Variants in UBIAD1 observed in about 807,000 individuals in gnomAD.
UBIAD1 encodes ubiA prenyltransferase domain-containing protein 1.
UBIAD1 carries 12 observed loss-of-function variants against 20.1 expected under a neutral mutation model. The ratio of observed to expected loss-of-function variants is 0.60; its 90% CI spans 0.38 to 0.97. The LOEUF is 0.97. Among genes scored for constraint, UBIAD1 ranks in the 50% least tolerant of loss-of-function variants. The pLI, the probability that UBIAD1 is intolerant of heterozygous loss-of-function variation, is 0.00. For synonymous variants in UBIAD1, 207 were observed against 189.2 expected, an observed-to-expected ratio of 1.09 and a Z score of -0.77; for missense variants, 333 against 419.5, an observed-to-expected ratio of 0.79 and a Z score of 1.80.
Position 11,285,111 on chromosome 1 carries a change from G to A in UBIAD1, c.530-533G>A, listed in dbSNP as rs1472468862. 2.0e-5 allele frequency among the ~76,000 whole-genome samples: 3 copies of A among 152,268 alleles called. No homozygotes were observed. Among genetic ancestry groups the A allele is most frequent in the African/African-American group, 7.2e-5 (3 of 41,544 alleles). On this transcript the variant is annotated intron_variant, in intron 1 of 1. Transcript: ENST00000376810. The surrounding 1 kb of genome is among the most constrained non-coding windows in gnomAD (Gnocchi z 4.4). ...TCCTCGCTGTTTTGCTTATCGCAGG[G>A]GTGCAGGTTTAAGGACCCCGAAATT...
At chr1:11,284,798 G>A (rs981154361) in intron 1 of UBIAD1, among the ~76,000 whole-genome samples, 1 of 152,026 alleles carries the variant, frequency 6.6e-6, no homozygotes, top group African/African-American at 2.4e-5. Flanking sequence ...TCACTCTAAC[G>A]CCTTTTTAGA....
intron 1 of UBIAD1, among the ~76,000 whole-genome samples, chr1:11,279,964 A>C (rs942008713): frequency 2.0e-5 from 3 of 152,182 alleles, no homozygotes; most frequent in Non-Finnish European, 2.9e-5. Flanking sequence ...GGATGTGAGC[A>C]AGCATCCAGA....
At chr1:11,277,818 A>G (rs1427686843) in intron 1 of UBIAD1, among the ~76,000 whole-genome samples, 4 of 151,724 alleles carry the variant, frequency 2.6e-5, no homozygotes, top group Admixed American at 2.6e-4. Context: ...CTAATTTTGT[A>G]TTTTTAGTAG....
At chr1:11,274,081 T>A in intron 1 of UBIAD1, 21 bp downstream of exon 1, 1 of 1,613,974 alleles carries the variant, frequency 6.2e-7, no homozygotes, top group Non-Finnish European at 8.5e-7. Context: ...GCCTGTCCTG[T>A]GTGCTGCAGG....
chr1:11,286,611 C>G lies in UBIAD1; in HGVS notation c.*480C>G, dbSNP rs1187620254. On this transcript the variant is annotated 3_prime_UTR_variant, in exon 2 of 2. Transcript: ENST00000376810. ...TCACTAACACAGGGGCTACCTGTCT[C>G]TTATTCTCAGCACCTGTGTCCTGAG... 2 of 212,604 alleles carry G rather than the reference C, an allele frequency of 9.4e-6. No individual in the cohort carries two copies. Among genetic ancestry groups the G allele is most frequent in the African/African-American group, 4.7e-5 (2 of 42,572 alleles). 13.2% of individuals were successfully genotyped at this position (212,604 alleles called of 1,614,324 possible).
At position 11,286,139 on chromosome 1, in the gene UBIAD1, A is replaced by G. The variant is rs1638258858; in HGVS notation, c.*8A>G. On this transcript the variant is annotated 3_prime_UTR_variant, in exon 2 of 2. Coordinates refer to ENST00000376810, the MANE Select transcript of UBIAD1 (RefSeq NM_013319.3). The stretch of plus-strand genomic sequence containing the variant: ...AGTCTGCCCAAAATTTAAGGGGACA[A>G]GTAGCTCCCCCCACGACATGTCTCC... 5.6e-6 allele frequency: 9 copies of G among 1,614,076 alleles called. No individual in the cohort carries two copies. Among genetic ancestry groups the G allele is most frequent in the Non-Finnish European group, 6.8e-6 (8 of 1,180,036 alleles).
intron 1 of UBIAD1, among the ~76,000 whole-genome samples, chr1:11,294,448 C>A (rs1440741566): frequency 6.6e-6 from 1 of 152,180 alleles, no homozygotes; most frequent in Non-Finnish European, 1.5e-5. Flanking sequence ...ACCCAGCCTT[C>A]ACTACAAACT....
intron 1 of UBIAD1, among the ~76,000 whole-genome samples, chr1:11,274,731 C>G (rs1400068057): frequency 6.6e-6 from 1 of 150,704 alleles, no homozygotes; most frequent in African/African-American, 2.4e-5. Flanking sequence ...TGCCTCAGCT[C>G]CCCGAGTAGC....
Position 11,288,070 on chromosome 1 carries a change from C to G in UBIAD1, c.*1939C>G, listed in dbSNP as rs1202728173. ...AAGAAAGATGACCTTCTCCCCAGTCCTTCCCAGCACCATTTTTGTTTCACA... is the reference window on the plus strand; with the variant it reads ...AAGAAAGATGACCTTCTCCCCAGTCGTTCCCAGCACCATTTTTGTTTCACA... On this transcript the variant is annotated 3_prime_UTR_variant, in exon 2 of 2. Transcript: ENST00000376810. 1 of 152,268 alleles carries G rather than the reference C, an allele frequency of 6.6e-6. No homozygotes were observed. Among genetic ancestry groups the G allele is most frequent in the Non-Finnish European group, 1.5e-5 (1 of 68,066 alleles). The allele number at this position is 152,268 out of a possible 1,614,324, so 9.4% of individuals were successfully genotyped here.
rs1557519995 is a variant in UBIAD1 at position 11,285,885 on chromosome 1, C to G, written c.771C>G (p.Ser257=). The G allele has an allele frequency of 6.2e-7, 1 of 1,614,178 alleles. No individual in the cohort carries two copies. The highest frequency in any genetic ancestry group is 1.3e-5 in the African/African-American group (1 of 75,046). The part of the protein sequence containing the change: ...TLAILIGPTF[S]YILYNTLLFL... ...CCATCCTCATCGGCCCCACGTTCTC[C>G]TACATTCTCTACAACACACTGCTCT... Residue 257 remains serine, a synonymous_variant, in exon 2 of 2, where the codon TCC becomes TCG. Transcript: ENST00000376810. This position sits in a 1 kb window ranked among gnomAD's most constrained non-coding sequence, Gnocchi z 4.4.
rs779379621 is a variant in UBIAD1 at position 11,273,990 on chromosome 1, C to A, written c.459C>A (p.Ser153=). 3 of 1,614,182 alleles carry A rather than the reference C, an allele frequency of 1.9e-6. No homozygotes were observed. Among genetic ancestry groups the A allele is most frequent in the Admixed American group, 1.7e-5 (1 of 60,018 alleles). ...CVCAACLYYL[S]PLKLEHLALI... ...GTGCCGCTTGCCTCTACTACCTGTC[C>A]CCTCTGAAACTGGAGCACTTGGCTC... The change falls in exon 1 of 2, where the codon TCC becomes TCA. Residue 153 remains serine, a synonymous_variant. Transcript: ENST00000376810. The surrounding 1 kb of genome is among the most constrained non-coding windows in gnomAD (Gnocchi z 4.9).
Position 11,273,717 on chromosome 1 carries a change from C to G in UBIAD1, c.186C>G (p.Leu62=), listed in dbSNP as rs1651875550. 4 of 1,614,178 alleles carry G rather than the reference C, an allele frequency of 2.5e-6. No individual in the cohort carries two copies. The highest frequency in any genetic ancestry group is 1.3e-5 in the African/African-American group (1 of 75,024). ...GGCCCTGGAGCTTCAGTGCCTCACTCACACCGGTGGCCCTGGGCAGTGCCC... is the reference window on the plus strand; with the variant it reads ...GGCCCTGGAGCTTCAGTGCCTCACTGACACCGGTGGCCCTGGGCAGTGCCC... ...ALRPWSFSAS[L]TPVALGSALA... The change falls in exon 1 of 2, where the codon CTC becomes CTG. Residue 62 remains leucine (L), a synonymous_variant. Transcript: ENST00000376810. The surrounding 1 kb of genome is among the most constrained non-coding windows in gnomAD (Gnocchi z 4.9).
At chr1:11,275,676 A>G (rs1479561804) in intron 1 of UBIAD1, among the ~76,000 whole-genome samples, 1 of 152,108 alleles carries the variant, frequency 6.6e-6, no homozygotes, top group African/African-American at 2.4e-5. Flanking sequence ...CCCAGGGGTC[A>G]AGGCTGCAGT....
chr1:11,278,867 C>CTT, intron 1 of UBIAD1: 3 of 403,326 alleles, frequency 7.4e-6, no homozygotes, highest in South Asian at 5.5e-5. Flanking sequence ...GCTATATATT[C>CTT]TTTTTTTTTA....
Position 11,285,703 on chromosome 1 carries a change from C to T in UBIAD1, c.589C>T (p.Leu197=). 6.2e-7 allele frequency: 1 copy of T among 1,614,212 alleles called. No homozygotes were observed. The highest frequency in any genetic ancestry group is 8.5e-7 in the Non-Finnish European group (1 of 1,180,042). ...CATCATCCTCATCACTTTTGGCCCG[C>T]TGGCTGTGATGTTCGCCTACGCCAT... ...DLIILITFGP[L]AVMFAYAIQV... The change falls in exon 2 of 2, where the codon CTG becomes TTG. Residue 197 remains leucine (L), a synonymous_variant. Coordinates refer to ENST00000376810, the MANE Select transcript of UBIAD1 (RefSeq NM_013319.3). The surrounding 1 kb of genome is among the most constrained non-coding windows in gnomAD (Gnocchi z 4.4).
chr1:11,286,728 C>A lies in UBIAD1; in HGVS notation c.*597C>A. 6.3e-6 allele frequency: 1 copy of A among 157,498 alleles called. No individual in the cohort carries two copies. Among genetic ancestry groups the A allele is most frequent in the Non-Finnish European group, 1.4e-5 (1 of 71,120 alleles). The allele number at this position is 157,498 out of a possible 1,614,324, so 9.8% of individuals were successfully genotyped here. On this transcript the variant is annotated 3_prime_UTR_variant, in exon 2 of 2. Transcript: ENST00000376810. ...ATTGTGATTCAGATGCTTTTGTTCT[C>A]TCTCCTTTCACTTATTGCCACAGTT...
chr1:11,280,687 A>C (rs1652213052), intron 1 of UBIAD1, among the ~76,000 whole-genome samples: 1 of 152,172 alleles, frequency 6.6e-6, no homozygotes, highest in Non-Finnish European at 1.5e-5. Context: ...CCAGTTCATC[A>C]GCAAATTCTG....
chr1:11,278,390 A>G (rs1652129148), intron 1 of UBIAD1, among the ~76,000 whole-genome samples: 1 of 152,228 alleles, frequency 6.6e-6, no homozygotes. Flanking sequence ...TTTAAATGAC[A>G]GTACCTTAAC....
At chr1:11,296,451 G>A (rs1638449347), downstream of UBIAD1, among the ~76,000 whole-genome samples, 1 of 152,164 alleles carries the variant, frequency 6.6e-6, no homozygotes, top group Non-Finnish European at 1.5e-5. Flanking sequence ...GTTTAAATGA[G>A]GTAGTGCTCA....
Sources: allele counts gnomAD v4.1 joint callset (sites outside exome capture counted in the v4.1 genomes callset), GRCh38; gene constraint gnomAD v4.1.1; non-coding constraint Gnocchi (gnomAD v3.1); transcripts MANE v1.5; gene names NCBI Gene and HGNC (gene_info 2026-07-23, HGNC 2026-07-21).